Variants in SCHIP1 observed in about 807,000 individuals in gnomAD.
The protein encoded by SCHIP1 is schwannomin interacting protein 1.
Under a neutral mutation model 29.7 loss-of-function variants are expected in SCHIP1, and 8 were observed. The ratio of observed to expected loss-of-function variants is 0.27; its 90% confidence interval spans 0.16 to 0.49. SCHIP1 has a LOEUF of 0.49. Among genes scored for constraint, SCHIP1 ranks in the 20% least tolerant of loss-of-function variants. The pLI, the probability that SCHIP1 is intolerant of heterozygous loss-of-function variation, is 0.99. For missense variants in SCHIP1, 193 were observed against 294.6 expected (o/e 0.66, Z 2.52); for synonymous variants, 76 against 94.9 (o/e 0.80, Z 1.16).
the SCHIP1 span, among the ~76,000 whole-genome samples, chr3:159,743,335 A>C: frequency 6.6e-6 from 1 of 152,232 alleles, no homozygotes; most frequent in Non-Finnish European, 1.5e-5. Flanking sequence ...CATGTTCTTG[A>C]GTGGGTGAAC....
the SCHIP1 span, among the ~76,000 whole-genome samples, chr3:159,813,293 T>C: frequency 6.6e-6 from 1 of 152,178 alleles, no homozygotes; most frequent in African/African-American, 2.4e-5. Flanking sequence ...TTGGGTAAAA[T>C]AGGGCTTTTT....
the SCHIP1 span, among the ~76,000 whole-genome samples, chr3:159,438,803 C>A: frequency 1.3e-5 from 2 of 152,144 alleles, no homozygotes; most frequent in African/African-American, 4.8e-5. Context: ...ATCCATGTCC[C>A]TACAAAGGAC....
chr3:159,787,047 A>T, the SCHIP1 span, among the ~76,000 whole-genome samples: 1 of 152,184 alleles, frequency 6.6e-6, no homozygotes, highest in African/African-American at 2.4e-5. Flanking sequence ...ATTAGATACC[A>T]GGGATTTGAC....
the SCHIP1 span, among the ~76,000 whole-genome samples, chr3:159,793,550 T>C: frequency 6.6e-6 from 1 of 152,210 alleles, no homozygotes; most frequent in East Asian, 1.9e-4. Flanking sequence ...TTGGCAAGGC[T>C]GATTCCTTCT....
At chr3:159,781,456 G>A in the SCHIP1 span, among the ~76,000 whole-genome samples, 5 of 152,176 alleles carry the variant, frequency 3.3e-5, no homozygotes, top group Admixed American at 3.3e-4. Context: ...GATTATAGGT[G>A]TGAGCCACCA....
chr3:159,566,744 G>T, the SCHIP1 span, among the ~76,000 whole-genome samples: 4 of 152,112 alleles, frequency 2.6e-5, no homozygotes, highest in Non-Finnish European at 4.4e-5. Context: ...TAAAACAGAC[G>T]AGGAGGAAAA....
chr3:159,427,501 A>T, the SCHIP1 span, among the ~76,000 whole-genome samples: 2 of 152,268 alleles, frequency 1.3e-5, no homozygotes, highest in East Asian at 1.9e-4. Context: ...GATGTGAAGG[A>T]CCTCTTCAAG....
the SCHIP1 span, among the ~76,000 whole-genome samples, chr3:159,504,670 G>A: frequency 7.9e-5 from 12 of 151,854 alleles, no homozygotes; most frequent in South Asian, 2.1e-4. Context: ...ACCCCTCCTC[G>A]CAAACTGCCT....
intron 2 of SCHIP1, among the ~76,000 whole-genome samples, chr3:159,867,366 A>G (rs1714732541): frequency 6.6e-6 from 1 of 152,214 alleles, no homozygotes; most frequent in Non-Finnish European, 1.5e-5. Flanking sequence ...GGAACTAGGC[A>G]TTTTTAAAAT....
the SCHIP1 span, among the ~76,000 whole-genome samples, chr3:159,670,748 A>G: frequency 6.6e-6 from 1 of 152,088 alleles, no homozygotes; most frequent in Admixed American, 6.6e-5. Context: ...TCTGTGCATT[A>G]CTACTGAGCT....
chr3:159,303,715 C>T, the SCHIP1 span, among the ~76,000 whole-genome samples: 1 of 151,960 alleles, frequency 6.6e-6, no homozygotes, highest in Non-Finnish European at 1.5e-5. Context: ...GATTCCTGAG[C>T]AGTAGGAGGG....
the SCHIP1 span, among the ~76,000 whole-genome samples, chr3:159,509,580 T>C: frequency 6.6e-6 from 1 of 152,232 alleles, no homozygotes; most frequent in South Asian, 2.1e-4. Flanking sequence ...CTTTACAATT[T>C]GGCATGTTTT....
the SCHIP1 span, among the ~76,000 whole-genome samples, chr3:159,750,069 T>A: frequency 3.2e-4 from 48 of 152,058 alleles, no homozygotes; most frequent in Admixed American, 1.3e-4. Context: ...ATGGGAGTTC[T>A]TGTTTATCAG....
chr3:159,548,013 T>C, the SCHIP1 span, among the ~76,000 whole-genome samples: 1 of 152,222 alleles, frequency 6.6e-6, no homozygotes, highest in Non-Finnish European at 1.5e-5. Flanking sequence ...CTTGTATTTC[T>C]TAAATAAATT....
the SCHIP1 span, among the ~76,000 whole-genome samples, chr3:159,329,805 A>T: frequency 6.6e-6 from 1 of 152,124 alleles, no homozygotes; most frequent in Admixed American, 6.5e-5. Context: ...ATGTTTCCCA[A>T]TTGAAAACTC....
chr3:159,444,616 A>C, the SCHIP1 span, among the ~76,000 whole-genome samples: 1 of 152,212 alleles, frequency 6.6e-6, no homozygotes. Flanking sequence ...GAAAGAACTT[A>C]TAATCTAATA....
the SCHIP1 span, among the ~76,000 whole-genome samples, chr3:159,295,059 T>A: frequency 6.6e-6 from 1 of 151,934 alleles, no homozygotes; most frequent in Non-Finnish European, 1.5e-5. Context: ...GACAGCATAT[T>A]AGCCTAAATG....
At chr3:159,581,008 G>A in the SCHIP1 span, among the ~76,000 whole-genome samples, 1 of 152,118 alleles carries the variant, frequency 6.6e-6, no homozygotes, top group Non-Finnish European at 1.5e-5. Flanking sequence ...TGAAAAACCT[G>A]TCTTGGTGTA....
At chr3:159,760,182 T>C in the SCHIP1 span, among the ~76,000 whole-genome samples, 1 of 152,154 alleles carries the variant, frequency 6.6e-6, no homozygotes, top group Non-Finnish European at 1.5e-5. Context: ...TCTCCCTACT[T>C]GCTAAATATT....
Sources: allele counts gnomAD v4.1 joint callset (sites outside exome capture counted in the v4.1 genomes callset), GRCh38; gene constraint gnomAD v4.1.1; transcripts MANE v1.5; gene names NCBI Gene and HGNC (gene_info 2026-07-23, HGNC 2026-07-21).